The following SLC37A1 variants were observed in gnomAD, a reference collection of about 807,000 sequenced individuals.
SLC37A1 encodes the protein glucose-6-phosphate exchanger SLC37A1.
A neutral mutation model predicts 75.3 loss-of-function variants in SLC37A1; 49 were observed. The observed-to-expected ratio is 0.65, with a 90% CI of 0.52 to 0.83. SLC37A1 has a LOEUF of 0.83. SLC37A1 is among the 40% of genes least tolerant of loss of function. The probability of loss-of-function intolerance (pLI) is 0.00; values close to 1 mark genes in which losing one functional copy is unlikely to be tolerated. For missense variants in SLC37A1, 566 were observed against 695.0 expected, an observed-to-expected ratio of 0.81 and a Z score of 2.09; for synonymous variants, 268 against 292.1, an observed-to-expected ratio of 0.92 and a Z score of 0.84.
intron 3 of SLC37A1, among the ~76,000 whole-genome samples, chr21:42,526,972 G>A (rs2054812564): frequency 6.6e-6 from 1 of 152,206 alleles, no homozygotes; most frequent in Admixed American, 6.5e-5. Context: ...TTTCTGGTTA[G>A]AGAAATATAC....
At position 42,548,921 on chromosome 21, in the gene SLC37A1, G is replaced by A. The variant is rs2055490256; in HGVS notation, c.768+1781G>A. Among the ~76,000 whole-genome samples, 1 of 152,178 alleles carries A rather than the reference G, an allele frequency of 6.6e-6. No homozygotes were observed. The highest frequency in any genetic ancestry group is 6.6e-5 in the Admixed American group (1 of 15,260). ...CTTTTCATACCTCGGGCTCCTGGGT[G>A]TGATTCATATGGAAAGAAGGGTTCT... is the stretch of plus-strand genomic sequence containing the variant. On this transcript the variant is annotated intron_variant, in intron 9 of 19. Transcript: ENST00000352133. The surrounding 1 kb of genome is among the most constrained non-coding windows in gnomAD (Gnocchi z 5.6).
chr21:42,518,608 T>C, intron 2 of SLC37A1, 98 bp downstream of exon 2: 2 of 1,372,926 alleles, frequency 1.5e-6, no homozygotes, highest in South Asian at 2.4e-5. Flanking sequence ...ATAAAACACA[T>C]AAAACTTGAA....
At position 42,535,348 on chromosome 21, in the gene SLC37A1, A is replaced by G. The variant is rs111491119; in HGVS notation, c.272-124A>G. ...TGCACCGCCTTGTTTTCTATGTGGA[A>G]AACCACGCGTTTCACTAAGTACACC... On this transcript the variant is annotated intron_variant, in intron 4 of 19. Coordinates refer to ENST00000352133, the MANE Select transcript of SLC37A1 (RefSeq NM_001320537.2). 8 of 784,050 alleles carry G rather than the reference A, an allele frequency of 1.0e-5. No homozygotes were observed. The African/African-American group carries it at 1.2e-4, about 12-fold the overall frequency. 48.6% of individuals were successfully genotyped at this position (784,050 alleles called of 1,614,324 possible). A position where few individuals can be genotyped will look rare whatever the true frequency, so the allele number is the denominator to read the frequency against.
rs184392659 is a variant in SLC37A1, at chr21:42,519,348, C to T, written c.56+838C>T. Among the ~76,000 whole-genome samples the T allele has an allele frequency of 9.9e-5, 15 of 152,276 alleles. No homozygotes were observed. The East Asian group carries it at 1.9e-3, about 20-fold the overall frequency. On this transcript the variant is annotated intron_variant, in intron 2 of 19. Transcript: ENST00000352133. ...GGCTTTTTGGAAAGACAAGTGGGCC[C>T]TCAAGAGAACAGAGAACAGATGGGC...
chr21:42,579,812 T>G lies in SLC37A1; in HGVS notation c.1586+12T>G, dbSNP rs761071740. On this transcript the variant is annotated intron_variant, in intron 19 of 19. Coordinates refer to ENST00000352133, the MANE Select transcript of SLC37A1 (RefSeq NM_001320537.2). The stretch of plus-strand genomic sequence containing the variant: ...GGGGACCAAGTTCCGTAAGTCCCAC[T>G]CGGGCCCTGTCTCCGTGCGTGAAAG... The G allele has an allele frequency of 6.2e-7, 1 of 1,613,780 alleles. No individual in the cohort carries two copies. The highest frequency in any genetic ancestry group is 1.1e-5 in the South Asian group (1 of 91,040).
intron 17 of SLC37A1, among the ~76,000 whole-genome samples, chr21:42,569,985 C>CA (rs2056086430): frequency 2.0e-5 from 3 of 151,854 alleles, no homozygotes; most frequent in African/African-American, 7.3e-5. Context: ...TTGTTCTGGC[C>CA]TTGTTCTGAG....
chr21:42,560,170 A>G (rs909026899), intron 11 of SLC37A1, among the ~76,000 whole-genome samples: 1 of 152,194 alleles, frequency 6.6e-6, no homozygotes, highest in African/African-American at 2.4e-5. Context: ...TGCTGCTTTC[A>G]GTTTTTATTA....
intron 3 of SLC37A1, among the ~76,000 whole-genome samples, chr21:42,527,733 G>A (rs1195553177): frequency 6.6e-6 from 1 of 152,132 alleles, no homozygotes; most frequent in African/African-American, 2.4e-5. Flanking sequence ...TTAATTACCT[G>A]AGTACAGTCC....
At chr21:42,557,440 G>T (rs987210173) in intron 10 of SLC37A1, among the ~76,000 whole-genome samples, 1 of 152,274 alleles carries the variant, frequency 6.6e-6, no homozygotes, top group South Asian at 2.1e-4. Flanking sequence ...AACTCAAGTC[G>T]CCATTCTTTG....
chr21:42,534,909 A>G (rs2055094953), intron 4 of SLC37A1, 79 bp downstream of exon 4: 1 of 1,518,608 alleles, frequency 6.6e-7, no homozygotes, highest in African/African-American at 1.4e-5. Flanking sequence ...AGCAGCAGTA[A>G]TGCTGTTCCC....
intron 11 of SLC37A1, chr21:42,560,345 CGCTGTCCAGGGTGG>C (rs2055799869): frequency 6.6e-6 from 1 of 152,184 alleles, no homozygotes; most frequent in Non-Finnish European, 1.5e-5. Flanking sequence ...GTCCAGGGGG[CGCTGTCCAGGGTGG>C]GCTGTTTGGC....
chr21:42,531,209 C>G (rs1308835432), intron 3 of SLC37A1, among the ~76,000 whole-genome samples: 2 of 152,156 alleles, frequency 1.3e-5, no homozygotes, highest in Non-Finnish European at 2.9e-5. Context: ...CGCTGTGACT[C>G]CCGGCCCCGC....
At chr21:42,531,655 T>G (rs954784645) in intron 3 of SLC37A1, among the ~76,000 whole-genome samples, 1 of 152,224 alleles carries the variant, frequency 6.6e-6, no homozygotes, top group Non-Finnish European at 1.5e-5. Context: ...TTCCCTGAAG[T>G]GCTTTGGTGA....
Position 42,564,761 on chromosome 21 carries a change from TGCGGCCTGATGCTGCTGCTC to T in SLC37A1, c.1196_1215del (p.Leu399ProfsTer15). ...CCGACTGGAGAAAAGGGCCTCCACC[TGCGGCCTGATGCTGCTGCTC>T]GCGGCCCCCACGGTCAGCCGTGCTG... On this transcript the variant is annotated frameshift_variant, in exon 14 of 20. Transcript: ENST00000352133. LOFTEE classifies it high-confidence loss of function. 1 of 1,608,650 alleles carries T rather than the reference TGCGGCCTGATGCTGCTGCTC, an allele frequency of 6.2e-7. No individual in the cohort carries two copies. Among genetic ancestry groups the T allele is most frequent in the South Asian group, 1.1e-5 (1 of 91,086 alleles).
chr21:42,525,473 A>G (rs1194002367), intron 2 of SLC37A1, among the ~76,000 whole-genome samples: 3 of 152,240 alleles, frequency 2.0e-5, no homozygotes, highest in Admixed American at 6.5e-5. Context: ...ATTGCTTGGT[A>G]TATGGGGAAA....
intron 2 of SLC37A1, among the ~76,000 whole-genome samples, chr21:42,503,810 T>TAG (rs2054361835): frequency 6.6e-6 from 1 of 152,202 alleles, no homozygotes; most frequent in Non-Finnish European, 1.5e-5. Flanking sequence ...ACCATTTCCC[T>TAG]CTCCCTCTAC....
rs1206084472 is a variant in SLC37A1, at chr21:42,514,265, A to G, written c.-631A>G. 6.6e-6 allele frequency: 1 copy of G among 151,482 alleles called. No homozygotes were observed. Among genetic ancestry groups the G allele is most frequent in the Non-Finnish European group, 1.5e-5 (1 of 67,878 alleles). 9.4% of individuals were successfully genotyped at this position (151,482 alleles called of 1,614,324 possible). A position where few individuals can be genotyped will look rare whatever the true frequency, so the allele number is the denominator to read the frequency against. On this transcript the variant is annotated 5_prime_UTR_variant, in exon 1 of 20. Coordinates refer to ENST00000352133, the MANE Select transcript of SLC37A1 (RefSeq NM_001320537.2). This position sits in a 1 kb window ranked among gnomAD's most constrained non-coding sequence, Gnocchi z 4.8. ...CGGGGCAACGCTGGGATTCCGGGGA[A>G]GTGGAGGCAGAGGGAGCGGGCACGG...
chr21:42,559,755 A>T (rs1243232887), intron 11 of SLC37A1, among the ~76,000 whole-genome samples: 2 of 152,136 alleles, frequency 1.3e-5, no homozygotes, highest in Non-Finnish European at 2.9e-5. Context: ...AGGCGCCTGT[A>T]GTCCTAGCTA....
rs1195928342 is a variant in SLC37A1, at chr21:42,548,611, C to T, written c.768+1471C>T. 1.3e-5 allele frequency among the ~76,000 whole-genome samples: 2 copies of T among 152,246 alleles called. No individual in the cohort carries two copies. Among genetic ancestry groups the T allele is most frequent in the African/African-American group, 2.4e-5 (1 of 41,466 alleles). ...CCGTCAGCTCTCCTCCGAGCCACTGCTCATCAGCCTCCTAGAACGATCCAC... is the reference window on the plus strand; with the variant it reads ...CCGTCAGCTCTCCTCCGAGCCACTGTTCATCAGCCTCCTAGAACGATCCAC... On this transcript the variant is annotated intron_variant, in intron 9 of 19. Transcript: ENST00000352133. The surrounding 1 kb of genome is among the most constrained non-coding windows in gnomAD (Gnocchi z 5.6).
Sources: gnomAD v4.1 joint callset for allele counts (sites outside exome capture counted in the v4.1 genomes callset) on GRCh38, gnomAD v4.1.1 for gene constraint, Gnocchi (gnomAD v3.1) non-coding constraint, MANE v1.5 for transcripts, NCBI Gene and HGNC (gene_info 2026-07-23, HGNC 2026-07-21) for gene names.